The following WWOX variants were observed in gnomAD, a reference collection of about 807,000 sequenced individuals.
WWOX encodes WW domain containing oxidoreductase.
In WWOX, 69 loss-of-function variants were observed where a neutral mutation model predicts 46.2. The observed-to-expected ratio is 1.49, with a 90% CI of 1.23 to 1.82. The LOEUF (loss-of-function observed/expected upper bound fraction) is 1.82, where lower values mean the gene tolerates loss of function less well. Ranked by LOEUF, WWOX falls within the 40% of genes most tolerant of loss-of-function variation. WWOX has a pLI of 0.00. For synonymous variants in WWOX, 359 were observed against 202.6 expected, an observed-to-expected ratio of 1.77 and a Z score of -6.56; for missense variants, 919 against 542.6, an observed-to-expected ratio of 1.69 and a Z score of -6.89.
intron 8 of WWOX, among the ~76,000 whole-genome samples, chr16:78,651,917 G>A (rs985074817): frequency 3.9e-5 from 6 of 152,124 alleles, no homozygotes; most frequent in African/African-American, 1.4e-4. Flanking sequence ...GAGAGAGAGT[G>A]TAAGTAAAAT....
chr16:78,150,249 G>A (rs1428185088), intron 4 of WWOX, among the ~76,000 whole-genome samples: 1 of 152,216 alleles, frequency 6.6e-6, no homozygotes, highest in Non-Finnish European at 1.5e-5. Flanking sequence ...TACAGATGAA[G>A]CGGTACATAG....
intron 5 of WWOX, among the ~76,000 whole-genome samples, chr16:78,384,498 G>T (rs2082020540): frequency 6.6e-6 from 1 of 152,052 alleles, no homozygotes; most frequent in African/African-American, 2.4e-5. Flanking sequence ...TCCTCATCTG[G>T]AGGTACACAC....
At chr16:79,163,628 A>T (rs1315806144) in intron 8 of WWOX, among the ~76,000 whole-genome samples, 4 of 152,072 alleles carry the variant, frequency 2.6e-5, no homozygotes, top group African/African-American at 9.7e-5. Flanking sequence ...GAGAAACGCC[A>T]TCTCTACTAA....
At chr16:78,727,929 C>G (rs1029252279) in intron 8 of WWOX, among the ~76,000 whole-genome samples, 2 of 151,976 alleles carry the variant, frequency 1.3e-5, no homozygotes, top group Non-Finnish European at 2.9e-5. Flanking sequence ...GTCATTTTTA[C>G]TGATATTTAT....
intron 8 of WWOX, among the ~76,000 whole-genome samples, chr16:78,805,476 G>C (rs2051008317): frequency 6.6e-6 from 1 of 151,908 alleles, no homozygotes; most frequent in Non-Finnish European, 1.5e-5. Context: ...GTAGAGTCAG[G>C]GTTTCACAGT....
chr16:78,363,545 C>T (rs1014685857), intron 5 of WWOX, among the ~76,000 whole-genome samples: 7 of 152,258 alleles, frequency 4.6e-5, no homozygotes, highest in Admixed American at 1.3e-4. Flanking sequence ...TCCCAAAGTG[C>T]TGGGAATACA....
At chr16:78,798,479 C>T (rs1004483454) in intron 8 of WWOX, among the ~76,000 whole-genome samples, 1 of 151,956 alleles carries the variant, frequency 6.6e-6, no homozygotes, top group Non-Finnish European at 1.5e-5. Flanking sequence ...TACTCATGCC[C>T]CAGAAATTAT....
chr16:78,868,301 C>G (rs2044050413), intron 8 of WWOX, among the ~76,000 whole-genome samples: 1 of 151,846 alleles, frequency 6.6e-6, no homozygotes, highest in African/African-American at 2.4e-5. Context: ...TATATGATGA[C>G]ATTTATATGA....
rs558303649 is a variant in WWOX at position 78,822,985 on chromosome 16, T to G, written c.1057-388623T>G. ...AAAGAGGCTTCGTGTTGTTTGTAAA[T>G]TTGTGAATAAATCTGTTAAAGAAAT... On this transcript the variant is annotated intron_variant, in intron 8 of 8. Coordinates refer to ENST00000566780, the MANE Select transcript of WWOX (RefSeq NM_016373.4). 1.6e-4 allele frequency among the ~76,000 whole-genome samples: 24 copies of G among 152,104 alleles called. No individual in the cohort carries two copies. In the South Asian group the frequency reaches 4.8e-3, roughly 30 times the overall value.
intron 8 of WWOX, among the ~76,000 whole-genome samples, chr16:79,151,701 G>A (rs747482266): frequency 6.6e-6 from 1 of 152,140 alleles, no homozygotes; most frequent in Non-Finnish European, 1.5e-5. Flanking sequence ...ACCCTATCTC[G>A]TGTTGAGAGC....
intron 8 of WWOX, among the ~76,000 whole-genome samples, chr16:79,089,282 G>A (rs1175699223): frequency 1.3e-5 from 2 of 151,742 alleles, no homozygotes; most frequent in African/African-American, 4.8e-5. Context: ...AAAGTTCCTG[G>A]CAAAGGTTTG....
intron 8 of WWOX, chr16:78,534,686 A>G (rs1040889273): frequency 2.6e-5 from 4 of 152,020 alleles, no homozygotes; most frequent in African/African-American, 9.7e-5. Flanking sequence ...ATGTCCTGCA[A>G]TATTGCTTTA....
chr16:78,171,551 G>T (rs1169982436), intron 5 of WWOX, among the ~76,000 whole-genome samples: 1 of 152,084 alleles, frequency 6.6e-6, no homozygotes, highest in Non-Finnish European at 1.5e-5. Context: ...GCTTGGAAAA[G>T]ATGATCATTC....
At chr16:78,794,474 T>C (rs1231915170) in intron 8 of WWOX, among the ~76,000 whole-genome samples, 2 of 152,194 alleles carry the variant, frequency 1.3e-5, no homozygotes, top group African/African-American at 4.8e-5. Flanking sequence ...AATCCTTCCA[T>C]CTATGTGTCC....
At chr16:79,075,202 C>G (rs2048631939) in intron 8 of WWOX, among the ~76,000 whole-genome samples, 1 of 152,194 alleles carries the variant, frequency 6.6e-6, no homozygotes, top group African/African-American at 2.4e-5. Flanking sequence ...TATGAAGCTT[C>G]CCAGGTGGTT....
At chr16:79,142,682 C>T (rs1038449395) in intron 8 of WWOX, among the ~76,000 whole-genome samples, 1 of 152,052 alleles carries the variant, frequency 6.6e-6, no homozygotes, top group African/African-American at 2.4e-5. Context: ...TAAGAAGTGC[C>T]TGGATCAGTT....
rs146592802 is a variant in WWOX, at chr16:78,135,858, C to T, written c.409+20704C>T. 3.1e-3 allele frequency among the ~76,000 whole-genome samples: 471 copies of T among 152,144 alleles called. 2 individuals are homozygous for T. The highest frequency in any genetic ancestry group is 0.011 in the African/African-American group (440 of 41,486). ...ATGTACCTCTATGTGACTTTTGAGA[C>T]GTCTAGAATAGAGAATTCACCTTTG... On this transcript the variant is annotated intron_variant, in intron 4 of 8. Transcript: ENST00000566780.
intron 8 of WWOX, among the ~76,000 whole-genome samples, chr16:78,916,845 G>A (rs889305450): frequency 2.6e-5 from 4 of 152,136 alleles, no homozygotes; most frequent in African/African-American, 7.2e-5. Context: ...AAACCCTTTC[G>A]ATAGCAAGTA....
rs1256230155 is a variant in WWOX at position 78,344,820 on chromosome 16, G to T, written c.517-42040G>T. 1.6e-5 allele frequency among the ~76,000 whole-genome samples: 2 copies of T among 121,536 alleles called. 1 individual carries two copies. Among genetic ancestry groups the T allele is most frequent in the Non-Finnish European group, 3.9e-5 (2 of 50,810 alleles). The allele number at this position is 121,536 out of a possible 152,430, so 79.7% of individuals were successfully genotyped here. On this transcript the variant is annotated intron_variant, in intron 5 of 8. Transcript: ENST00000566780. ...TTTAAAATAGAGAAAAGTGCATCAA[G>T]CTCTTGTTAATCTGTCAGGCCTTCC...
Sources: allele counts gnomAD v4.1 joint callset (sites outside exome capture counted in the v4.1 genomes callset), GRCh38; gene constraint gnomAD v4.1.1; transcripts MANE v1.5; gene names NCBI Gene and HGNC (gene_info 2026-07-23, HGNC 2026-07-21).